The following KDM4C variants were observed in gnomAD, a reference collection of about 807,000 sequenced individuals.
KDM4C encodes lysine demethylase 4C.
A neutral mutation model predicts 129.3 loss-of-function variants in KDM4C; 81 were observed. The observed-to-expected ratio is 0.63, with a 90% CI of 0.52 to 0.75. The LOEUF is 0.75. KDM4C is among the 30% of genes least tolerant of loss of function. The pLI is 0.00. For synonymous variants in KDM4C, 573 were observed against 456.1 expected (o/e 1.26, Z -3.26); for missense variants, 1,457 against 1,304.0 (o/e 1.12, Z -1.81).
At chr9:7,039,195 A>T (rs1021322693) in intron 15 of KDM4C, among the ~76,000 whole-genome samples, 1 of 151,942 alleles carries the variant, frequency 6.6e-6, no homozygotes, top group Admixed American at 6.6e-5. Context: ...TATATTTTTT[A>T]TGAGTGAGGG....
At chr9:6,891,636 T>C (rs76372783) in intron 7 of KDM4C, among the ~76,000 whole-genome samples, 9,055 of 152,228 alleles carry the variant, frequency 0.059, 490 homozygotes, top group East Asian at 0.27. Context: ...TTGTACACTT[T>C]AAATGAGTGA....
intron 8 of KDM4C, among the ~76,000 whole-genome samples, chr9:6,897,703 G>A (rs976556500): frequency 6.6e-6 from 1 of 152,134 alleles, no homozygotes; most frequent in Non-Finnish European, 1.5e-5. Flanking sequence ...TCTTCAAGGA[G>A]CTTTCAGAAA....
intron 1 of KDM4C, among the ~76,000 whole-genome samples, chr9:6,737,859 G>C (rs1817575168): frequency 6.6e-6 from 1 of 151,602 alleles, no homozygotes; most frequent in Non-Finnish European, 1.5e-5. Context: ...ATGCTGGGCT[G>C]GGCAAGGTGG....
chr9:7,083,943 C>T (rs1381704568), intron 17 of KDM4C, among the ~76,000 whole-genome samples: 1 of 151,894 alleles, frequency 6.6e-6, no homozygotes, highest in Non-Finnish European at 1.5e-5. Context: ...AGAGAGAGGA[C>T]AAAAAAGCTA....
At chr9:7,102,871 C>A (rs1182231668) in intron 17 of KDM4C, among the ~76,000 whole-genome samples, 1 of 152,156 alleles carries the variant, frequency 6.6e-6, no homozygotes, top group Non-Finnish European at 1.5e-5. Context: ...TTTTTCCTAA[C>A]CCTCAAGTAT....
At chr9:7,083,868 T>C (rs1262135558) in intron 17 of KDM4C, among the ~76,000 whole-genome samples, 1 of 152,124 alleles carries the variant, frequency 6.6e-6, no homozygotes. Context: ...TGTGAGAATT[T>C]GATTTGAATT....
chr9:7,007,826 T>C (rs920241260), intron 12 of KDM4C, among the ~76,000 whole-genome samples: 5 of 152,092 alleles, frequency 3.3e-5, no homozygotes, highest in African/African-American at 4.8e-5. Context: ...AAAATAGCAA[T>C]AAAAACAACA....
chr9:7,012,879 A>G (rs1263296635), intron 13 of KDM4C, among the ~76,000 whole-genome samples: 3 of 152,212 alleles, frequency 2.0e-5, no homozygotes, highest in Admixed American at 2.0e-4. Flanking sequence ...TCTGTCTTAG[A>G]GTTCCTTATA....
At chr9:6,812,680 A>G (rs1366398114) in intron 3 of KDM4C, among the ~76,000 whole-genome samples, 3 of 152,234 alleles carry the variant, frequency 2.0e-5, no homozygotes, top group East Asian at 1.9e-4. Flanking sequence ...CCCTGTTCCT[A>G]ACAGGCCGCG....
In KDM4C at chr9:6,893,160, T is replaced by C; in HGVS notation, c.849T>C (p.His283=). The C allele has an allele frequency of 6.2e-7, 1 of 1,609,936 alleles. No homozygotes were observed. Among genetic ancestry groups the C allele is most frequent in the South Asian group, 1.1e-5 (1 of 90,440 alleles). Residue 283 remains histidine (H), a synonymous_variant, in exon 8 of 22, where the codon CAT becomes CAC. Transcript: ENST00000381309. ...ATGGCTACCATGCTGGTTTTAATCA[T>C]GGTTTCAACTGTGCAGAATCTACAA... ...FPYGYHAGFN[H]GFNCAESTNF...
intron 1 of KDM4C, among the ~76,000 whole-genome samples, chr9:6,768,233 G>T (rs1445615977): frequency 1.3e-5 from 2 of 152,058 alleles, no homozygotes; most frequent in Non-Finnish European, 2.9e-5. Flanking sequence ...CTTCTCATTA[G>T]GGCTCTTTCT....
intron 12 of KDM4C, among the ~76,000 whole-genome samples, chr9:6,990,751 T>C (rs540731580): frequency 2.0e-5 from 3 of 152,332 alleles, no homozygotes; most frequent in Admixed American, 6.5e-5. Flanking sequence ...CTTCCAGTTT[T>C]ATGTCATGGG....
chr9:6,739,369 A>C (rs892861661), intron 1 of KDM4C, among the ~76,000 whole-genome samples: 17 of 151,786 alleles, frequency 1.1e-4, no homozygotes, highest in African/African-American at 4.1e-4. Flanking sequence ...CACCGTGCCT[A>C]GCCATTTTTT....
rs372211631 is a variant in KDM4C at position 6,878,795 on chromosome 9, C to CCCCACA, written c.630-1183_630-1178dup. 1.3e-3 allele frequency among the ~76,000 whole-genome samples: 197 copies of CCCCACA among 151,404 alleles called. 2 individuals carry two copies. Among genetic ancestry groups the CCCCACA allele is most frequent in the Middle Eastern group, 6.8e-3 (2 of 294 alleles). On this transcript the variant is annotated intron_variant, in intron 5 of 21. Coordinates refer to ENST00000381309, the MANE Select transcript of KDM4C (RefSeq NM_015061.6). ...ACCCTCTTGTTTGGAAGGGACATAC[C>CCCCACA]CCCACACCCACACCCACACCCACAC...
chr9:6,983,485 C>T (rs1469064756), intron 9 of KDM4C, among the ~76,000 whole-genome samples: 1 of 151,582 alleles, frequency 6.6e-6, no homozygotes, highest in Non-Finnish European at 1.5e-5. Flanking sequence ...GCCTGTTATC[C>T]CAGCACTTTG....
intron 4 of KDM4C, among the ~76,000 whole-genome samples, chr9:6,827,905 C>G (rs929515240): frequency 6.6e-6 from 1 of 152,146 alleles, no homozygotes; most frequent in East Asian, 1.9e-4. Flanking sequence ...TGCATGACCC[C>G]AAAAGTTATC....
At chr9:7,113,191 C>T (rs1838522756) in intron 18 of KDM4C, among the ~76,000 whole-genome samples, 1 of 152,134 alleles carries the variant, frequency 6.6e-6, no homozygotes, top group African/African-American at 2.4e-5. Flanking sequence ...ATCGATATTC[C>T]TAAATCTAAC....
chr9:6,988,158 TAAAAAAAAAAAAAA>T (rs60244122), intron 11 of KDM4C, among the ~76,000 whole-genome samples: 8 of 85,338 alleles, frequency 9.4e-5, no homozygotes, highest in East Asian at 3.8e-4. Context: ...CCCTGTCTCT[TAAAAAAAAAAAAAA>T]AAAAAAAAAA....
chr9:7,009,673 T>A (rs1443432419), intron 12 of KDM4C, among the ~76,000 whole-genome samples: 2 of 152,214 alleles, frequency 1.3e-5, no homozygotes, highest in African/African-American at 4.8e-5. Flanking sequence ...AATAGTCAAA[T>A]CATGGGTGTT....
Sources: allele counts gnomAD v4.1 joint callset (sites outside exome capture counted in the v4.1 genomes callset), GRCh38; gene constraint gnomAD v4.1.1; transcripts MANE v1.5; gene names NCBI Gene and HGNC (gene_info 2026-07-23, HGNC 2026-07-21).